The following ZNF585A variants were observed in gnomAD, a reference collection of about 807,000 sequenced individuals.
ZNF585A encodes zinc finger protein 585A.
A neutral mutation model predicts 14.9 loss-of-function variants in ZNF585A; 9 were observed. That is an observed-to-expected ratio of 0.60 (90% CI 0.36 to 1.05). The LOEUF is 1.05. Ranked by LOEUF, ZNF585A falls within the 50% of genes least tolerant of loss-of-function variation. The probability of loss-of-function intolerance (pLI) is 0.01; values close to 1 mark genes in which losing one functional copy is unlikely to be tolerated. For missense variants in ZNF585A, 726 were observed against 926.4 expected (o/e 0.78, Z 2.81); for synonymous variants, 276 against 319.9 (o/e 0.86, Z 1.46).
chr19:37,155,422 G>C (rs1012387047), intron 4 of ZNF585A, among the ~76,000 whole-genome samples: 1 of 151,938 alleles, frequency 6.6e-6, no homozygotes, highest in African/African-American at 2.4e-5. Context: ...AGGCCTAGAC[G>C]GGTGGATCAC....
chr19:37,157,035 G>C (rs1009574808), intron 2 of ZNF585A, among the ~76,000 whole-genome samples: 2 of 152,070 alleles, frequency 1.3e-5, no homozygotes, highest in Non-Finnish European at 2.9e-5. Flanking sequence ...GGTGTAAAAC[G>C]TATCAACCTT....
At chr19:37,167,691 G>A (rs1467442523) in intron 2 of ZNF585A, among the ~76,000 whole-genome samples, 1 of 151,354 alleles carries the variant, frequency 6.6e-6, no homozygotes, top group Non-Finnish European at 1.5e-5. Flanking sequence ...GCACGATCTC[G>A]GCTCACTACA....
At position 37,151,529 on chromosome 19, in the gene ZNF585A, T is replaced by C; in HGVS notation, c.*60A>G. Reference sequence around the variant, plus strand: ...ATAATATACATATTTTTCTGCTGCATGCGTGCAACAGTGTACAATCAGACC... The same window carrying C: ...ATAATATACATATTTTTCTGCTGCACGCGTGCAACAGTGTACAATCAGACC... On this transcript the variant is annotated 3_prime_UTR_variant, in exon 5 of 5. Coordinates refer to ENST00000292841, the MANE Select transcript of ZNF585A (RefSeq NM_001288800.2). 7.0e-7 allele frequency: 1 copy of C among 1,432,400 alleles called. No individual in the cohort carries two copies. The highest frequency in any genetic ancestry group is 9.5e-7 in the Non-Finnish European group (1 of 1,053,536). The allele number at this position is 1,432,400 out of a possible 1,614,324, so 88.7% of individuals were successfully genotyped here.
rs1372966986 is a variant in ZNF585A, at chr19:37,151,916, G to C, written c.1983C>G (p.Pro661=). Reference sequence around the variant, plus strand: ...TCTTCCCACATTCAGAACAAATGTAGGGCTTTTCTCCGGTATGAGTTTTCT... The same window carrying C: ...TCTTCCCACATTCAGAACAAATGTACGGCTTTTCTCCGGTATGAGTTTTCT... ...KHQKTHTGEK[P]YICSECGKTF... Residue 661 remains proline, a synonymous_variant, in exon 5 of 5, where the codon CCC becomes CCG. Transcript: ENST00000292841. 6.2e-7 allele frequency: 1 copy of C among 1,613,238 alleles called. No homozygotes were observed. Among genetic ancestry groups the C allele is most frequent in the Non-Finnish European group, 8.5e-7 (1 of 1,179,782 alleles).
rs773813729 is a variant in ZNF585A, at chr19:37,151,877, C to A, written c.2022G>T (p.Lys674Asn). The A allele has an allele frequency of 6.2e-7, 1 of 1,612,606 alleles. No individual in the cohort carries two copies. The highest frequency in any genetic ancestry group is 1.1e-5 in the South Asian group (1 of 90,990). The change falls in exon 5 of 5, where the codon AAG becomes AAT. Residue 674 changes from lysine to asparagine, a missense_variant. Lys to Asn is a moderately conservative substitution (Grantham distance 94). Around this residue, in one of 2 missense-constraint regions of ZNF585A, gnomAD observed 243 missense variants for 383.6 expected, o/e 0.63. Coordinates refer to ENST00000292841, the MANE Select transcript of ZNF585A (RefSeq NM_001288800.2). Reference sequence around the variant, plus strand: ...TTCTGTGATGTGTAATCAACTCTGACTTCTGTCGAAAGGTCTTCCCACATT... The same window carrying A: ...TTCTGTGATGTGTAATCAACTCTGAATTCTGTCGAAAGGTCTTCCCACATT... Reference protein sequence around the residue: ...CSECGKTFRQKSELITHHRIH... With the variant: ...CSECGKTFRQNSELITHHRIH...
rs1972200441 is a variant in ZNF585A, at chr19:37,172,671, C to G, written c.-189G>C. The G allele has an allele frequency of 6.6e-6, 1 of 152,212 alleles. No individual in the cohort carries two copies. The highest frequency in any genetic ancestry group is 1.5e-5 in the Non-Finnish European group (1 of 68,050). The allele number at this position is 152,212 out of a possible 1,614,324, so 9.4% of individuals were successfully genotyped here. ...TGGAATATGAAAATACTCCTGACAC[C>G]AGCGGCAAAAAAGCCTTGGAAGACC... On this transcript the variant is annotated 5_prime_UTR_variant, in exon 1 of 5. Coordinates refer to ENST00000292841, the MANE Select transcript of ZNF585A (RefSeq NM_001288800.2).
At chr19:37,166,316 CTT>C (rs112585283) in intron 2 of ZNF585A, among the ~76,000 whole-genome samples, 26 of 127,142 alleles carry the variant, frequency 2.0e-4, no homozygotes, top group Admixed American at 3.9e-4. Context: ...GCTGCCCAGT[CTT>C]TTTTTTTTTT....
rs372990346 is a variant in ZNF585A at position 37,148,539 on chromosome 19, AG to A, written c.*3049del. On this transcript the variant is annotated 3_prime_UTR_variant, in exon 5 of 5. Transcript: ENST00000292841. ...ACTAAAAAGGGATAGGAAAGAAGTT[AG>A]GGAAGTGAGGGGCCTGTTCTTCATC... is the stretch of plus-strand genomic sequence containing the variant. The A allele has an allele frequency of 1.3e-5, 2 of 152,312 alleles. No homozygotes were observed. Among genetic ancestry groups the A allele is most frequent in the East Asian group, 3.9e-4 (2 of 5,180 alleles). 9.4% of individuals were successfully genotyped at this position (152,312 alleles called of 1,614,324 possible). A position where few individuals can be genotyped will look rare whatever the true frequency, so the allele number is the denominator to read the frequency against.
chr19:37,162,636 T>C (rs1386075112), intron 2 of ZNF585A, among the ~76,000 whole-genome samples: 1 of 152,156 alleles, frequency 6.6e-6, no homozygotes, highest in Non-Finnish European at 1.5e-5. Context: ...CACCATGGAA[T>C]ACTATGCAGC....
intron 2 of ZNF585A, among the ~76,000 whole-genome samples, chr19:37,166,213 C>T (rs1290023764): frequency 6.6e-6 from 1 of 151,906 alleles, no homozygotes; most frequent in Non-Finnish European, 1.5e-5. Flanking sequence ...GGGGTTTCGC[C>T]ATGTTGACTA....
chr19:37,164,308 CAGG>C (rs1346277050), intron 2 of ZNF585A, among the ~76,000 whole-genome samples: 1 of 151,826 alleles, frequency 6.6e-6, no homozygotes, highest in African/African-American at 2.4e-5. Flanking sequence ...GAGGCTGAGG[CAGG>C]AGAATGGCGT....
chr19:37,155,891 C>T lies in ZNF585A; in HGVS notation c.266G>A (p.Gly89Asp). 4 of 1,612,366 alleles carry T rather than the reference C, an allele frequency of 2.5e-6. No homozygotes were observed. Among genetic ancestry groups the T allele is most frequent in the Non-Finnish European group, 3.4e-6 (4 of 1,180,008 alleles). Reference protein sequence around the residue: ...EQGKEPWALQGERPRQSCPGE... With the variant: ...EQGKEPWALQDERPRQSCPGE... ...TGGGCAGCTCTGACGTGGCCTCTCA[C>T]CCTGCAGTGCCCATGGTTCCTTTCC... Residue 89 changes from glycine to aspartate, a missense_variant, in exon 4 of 5, where the codon GGT becomes GAT. Physicochemically the swap from Gly to Asp is moderately conservative, Grantham distance 94. This residue lies in a region of ZNF585A where 483 missense variants were observed against 542.8 expected (regional missense o/e 0.89). Coordinates refer to ENST00000292841, the MANE Select transcript of ZNF585A (RefSeq NM_001288800.2).
At chr19:37,165,730 G>C in intron 2 of ZNF585A, 1 of 834,170 alleles carries the variant, frequency 1.2e-6, no homozygotes, top group Non-Finnish European at 1.4e-6. Flanking sequence ...CCAAAAGCAA[G>C]GTTGAGAATA....
Position 37,151,157 on chromosome 19 carries a change from A to G in ZNF585A, c.*432T>C. ...TTACACAATGTGTTCCACAACGAAC[A>G]ACTCACATAACTTAGGATTCATCAC... On this transcript the variant is annotated 3_prime_UTR_variant, in exon 5 of 5. Coordinates refer to ENST00000292841, the MANE Select transcript of ZNF585A (RefSeq NM_001288800.2). 2.5e-6 allele frequency: 1 copy of G among 398,494 alleles called. No individual in the cohort carries two copies. Among genetic ancestry groups the G allele is most frequent in the Non-Finnish European group, 4.4e-6 (1 of 225,804 alleles). The allele number at this position is 398,494 out of a possible 1,614,324, so 24.7% of individuals were successfully genotyped here. A position where few individuals can be genotyped will look rare whatever the true frequency, so the allele number is the denominator to read the frequency against.
At chr19:37,170,553 G>A (rs1466173451) in intron 1 of ZNF585A, among the ~76,000 whole-genome samples, 1 of 152,086 alleles carries the variant, frequency 6.6e-6, no homozygotes, top group East Asian at 1.9e-4. Context: ...GTGCGATCTC[G>A]GCTCACTGCA....
chr19:37,151,135 C>A lies in ZNF585A; in HGVS notation c.*454G>T, dbSNP rs1276229363. 2.6e-5 allele frequency: 10 copies of A among 385,044 alleles called. No individual in the cohort carries two copies. The highest frequency in any genetic ancestry group is 4.3e-5 in the Admixed American group (1 of 23,310). The allele number at this position is 385,044 out of a possible 1,614,324, so 23.9% of individuals were successfully genotyped here. A position where few individuals can be genotyped will look rare whatever the true frequency, so the allele number is the denominator to read the frequency against. ...AAGAAAAACACCCAGGAGTCTGTTA[C>A]ACAATGTGTTCCACAACGAACAACT... On this transcript the variant is annotated 3_prime_UTR_variant, in exon 5 of 5. Transcript: ENST00000292841.
chr19:37,149,324 A>T lies in ZNF585A; in HGVS notation c.*2265T>A, dbSNP rs1480345316. 1 of 152,212 alleles carries T rather than the reference A, an allele frequency of 6.6e-6. No homozygotes were observed. Among genetic ancestry groups the T allele is most frequent in the African/African-American group, 2.4e-5 (1 of 41,456 alleles). The allele number at this position is 152,212 out of a possible 1,614,324, so 9.4% of individuals were successfully genotyped here. The stretch of plus-strand genomic sequence containing the variant: ...CTTTGAACCTAAAACTACTCTAAAA[A>T]ATAAAGCCTTCCGTATATACGGGTA... On this transcript the variant is annotated 3_prime_UTR_variant, in exon 5 of 5. Transcript: ENST00000292841.
intron 2 of ZNF585A, among the ~76,000 whole-genome samples, chr19:37,168,833 A>C (rs960131346): frequency 2.0e-5 from 3 of 152,242 alleles, no homozygotes; most frequent in Non-Finnish European, 4.4e-5. Context: ...GCAATGTGTG[A>C]AAATTTAGTC....
At chr19:37,156,865 T>C (rs1971939738) in intron 2 of ZNF585A, among the ~76,000 whole-genome samples, 1 of 152,172 alleles carries the variant, frequency 6.6e-6, no homozygotes, top group Non-Finnish European at 1.5e-5. Flanking sequence ...CTAATTTTTG[T>C]ATTTATAGTA....
Sources: gnomAD v4.1 joint callset for allele counts (sites outside exome capture counted in the v4.1 genomes callset) on GRCh38, gnomAD v4.1.1 for gene constraint, gnomAD v4.1.1 regional missense constraint, MANE v1.5 for transcripts, NCBI Gene and HGNC (gene_info 2026-07-23, HGNC 2026-07-21) for gene names.